LHPP: variants seen among roughly 807,000 people sequenced by gnomAD.
The protein encoded by LHPP is phospholysine phosphohistidine inorganic pyrophosphate phosphatase, also known as hLHPP.
A neutral mutation model predicts 30.3 loss-of-function variants in LHPP; 24 were observed. That is an observed-to-expected ratio of 0.79 (90% CI 0.57 to 1.11). The LOEUF (loss-of-function observed/expected upper bound fraction) is 1.11. Among genes scored for constraint, LHPP ranks in the 50% most tolerant of loss-of-function variants. LHPP has a pLI of 0.00. For synonymous variants in LHPP, 150 were observed against 157.1 expected (o/e 0.95, Z 0.34); for missense variants, 356 against 367.2 (o/e 0.97, Z 0.25).
intron 6 of LHPP, among the ~76,000 whole-genome samples, chr10:124,556,688 C>T (rs888888268): frequency 4.6e-5 from 7 of 152,166 alleles, no homozygotes; most frequent in African/African-American, 9.7e-5. Context: ...CAAATAACAC[C>T]GAGGACTAGC....
intron 1 of LHPP, among the ~76,000 whole-genome samples, chr10:124,464,809 A>C (rs1299058292): frequency 6.6e-6 from 1 of 152,116 alleles, no homozygotes; most frequent in Non-Finnish European, 1.5e-5. Flanking sequence ...TACATTTGAC[A>C]TTATCTACCA....
chr10:124,556,240 C>T (rs1948296996), intron 6 of LHPP, among the ~76,000 whole-genome samples: 1 of 152,178 alleles, frequency 6.6e-6, no homozygotes, highest in Non-Finnish European at 1.5e-5. Flanking sequence ...ACTGTGTGCA[C>T]AAATGTGTCC....
At chr10:124,610,344 C>T (rs916949716) in intron 6 of LHPP, among the ~76,000 whole-genome samples, 5 of 143,084 alleles carry the variant, frequency 3.5e-5, no homozygotes, top group East Asian at 1.9e-4. Flanking sequence ...GCTGATGGAG[C>T]GGGTGAGGGT....
chr10:124,591,864 A>G (rs1948885957), intron 6 of LHPP, among the ~76,000 whole-genome samples: 2 of 151,990 alleles, frequency 1.3e-5, no homozygotes, highest in Admixed American at 1.3e-4. Flanking sequence ...GTCTCTGACA[A>G]TGGAGCTAGC....
At chr10:124,481,375 T>TCCC (rs1564776153) in intron 1 of LHPP, among the ~76,000 whole-genome samples, 2 of 74,888 alleles carry the variant, frequency 2.7e-5, no homozygotes, top group African/African-American at 1.1e-4. Flanking sequence ...TCTGCCCCCT[T>TCCC]TTTTTTTTTT....
At chr10:124,513,800 AAAAG>A (rs1314624565) in intron 5 of LHPP, among the ~76,000 whole-genome samples, 1 of 151,774 alleles carries the variant, frequency 6.6e-6, no homozygotes, top group Non-Finnish European at 1.5e-5. Flanking sequence ...TAAAAAAAAA[AAAAG>A]AGCATGAGTC....
At chr10:124,521,029 C>T (rs1954597298) in intron 6 of LHPP, among the ~76,000 whole-genome samples, 1 of 152,194 alleles carries the variant, frequency 6.6e-6, no homozygotes, top group African/African-American at 2.4e-5. Context: ...GTGTTGGTGG[C>T]CCCAGGTGGC....
At chr10:124,515,864 C>T (rs1331381130) in intron 5 of LHPP, among the ~76,000 whole-genome samples, 1 of 152,222 alleles carries the variant, frequency 6.6e-6, no homozygotes, top group South Asian at 2.1e-4. Flanking sequence ...GTGATTCTTT[C>T]CCAGGCTCAG....
intron 6 of LHPP, among the ~76,000 whole-genome samples, chr10:124,591,247 C>T (rs1035033153): frequency 6.6e-6 from 1 of 152,124 alleles, no homozygotes; most frequent in African/African-American, 2.4e-5. Context: ...GAGGGAGAGG[C>T]CTCAGGGAGA....
At chr10:124,586,529 G>T (rs1754651561) in intron 6 of LHPP, among the ~76,000 whole-genome samples, 2 of 152,222 alleles carry the variant, frequency 1.3e-5, no homozygotes, top group Admixed American at 1.3e-4. Flanking sequence ...ATGGAAAGGG[G>T]CCTGGGGACA....
intron 5 of LHPP, among the ~76,000 whole-genome samples, chr10:124,507,857 G>C (rs1434537438): frequency 1.1e-4 from 9 of 82,470 alleles, no homozygotes; most frequent in East Asian, 4.0e-4. Flanking sequence ...GGGGGGTAGG[G>C]AGGATTTCAG....
chr10:124,588,067 C>G (rs1948828779), intron 6 of LHPP, among the ~76,000 whole-genome samples: 1 of 152,240 alleles, frequency 6.6e-6, no homozygotes, highest in Non-Finnish European at 1.5e-5. Context: ...TCCAGGCAGG[C>G]CACATTCACA....
chr10:124,473,112 A>G (rs1952837906), intron 1 of LHPP, among the ~76,000 whole-genome samples: 2 of 152,222 alleles, frequency 1.3e-5, no homozygotes, highest in South Asian at 4.1e-4. Flanking sequence ...GCACAGGATT[A>G]TTGGTTTACC....
intron 6 of LHPP, among the ~76,000 whole-genome samples, chr10:124,606,468 G>A (rs1164504938): frequency 7.1e-6 from 1 of 141,222 alleles, no homozygotes; most frequent in Non-Finnish European, 1.5e-5. Context: ...GTGAACCCTG[G>A]AGGGCAGATG....
Position 124,549,945 on chromosome 10 carries a change from T to C in LHPP, c.716+32674T>C, listed in dbSNP as rs1196808396. Among the ~76,000 whole-genome samples the C allele has an allele frequency of 2.0e-5, 3 of 152,240 alleles. No homozygotes were observed. The South Asian group carries it at 6.2e-4, about 32-fold the overall frequency. On this transcript the variant is annotated intron_variant, in intron 6 of 6. Coordinates refer to ENST00000368842, the MANE Select transcript of LHPP (RefSeq NM_022126.4). ...AGTCGTGTCTGTGAAGCACCTGGCA[T>C]GGTAATCGGTGGCCGTGAGGATGAC... is the stretch of plus-strand genomic sequence containing the variant.
chr10:124,597,595 G>A (rs553756872), intron 6 of LHPP, among the ~76,000 whole-genome samples: 101 of 152,302 alleles, frequency 6.6e-4, no homozygotes, highest in African/African-American at 2.2e-3. Context: ...GACTGGTGCC[G>A]CCTCCCTGCC....
At chr10:124,528,468 CCTGCCT>C (rs1193202998) in intron 6 of LHPP, among the ~76,000 whole-genome samples, 1 of 152,194 alleles carries the variant, frequency 6.6e-6, no homozygotes, top group African/African-American at 2.4e-5. Flanking sequence ...AAGGGATTCT[CCTGCCT>C]CAGCCTTCCA....
In LHPP at chr10:124,496,693, CT is replaced by C. The variant is rs1037019834; in HGVS notation, c.468-267del. 1.3e-5 allele frequency among the ~76,000 whole-genome samples: 2 copies of C among 152,254 alleles called. No individual in the cohort carries two copies. The highest frequency in any genetic ancestry group is 4.8e-5 in the African/African-American group (2 of 41,474). ...TCATTGCAGCAGGGTCCCCACGAGTCTGACAGCAGGGTTGCGTTCTGTGCGA... is the reference window on the plus strand; with the variant it reads ...TCATTGCAGCAGGGTCCCCACGAGTCGACAGCAGGGTTGCGTTCTGTGCGA... On this transcript the variant is annotated intron_variant, in intron 3 of 6. Coordinates refer to ENST00000368842, the MANE Select transcript of LHPP (RefSeq NM_022126.4). The surrounding 1 kb of genome is among the most constrained non-coding windows in gnomAD (Gnocchi z 4.3).
intron 6 of LHPP, among the ~76,000 whole-genome samples, chr10:124,584,106 T>A (rs1948773741): frequency 6.6e-6 from 1 of 151,604 alleles, no homozygotes. Flanking sequence ...ATTTGGGGAG[T>A]GTCTTAGTCC....
Sources: allele counts gnomAD v4.1 joint callset (sites outside exome capture counted in the v4.1 genomes callset), GRCh38; gene constraint gnomAD v4.1.1; non-coding constraint Gnocchi (gnomAD v3.1); transcripts MANE v1.5; gene names NCBI Gene and HGNC (gene_info 2026-07-23, HGNC 2026-07-21).